Variants in GALNT2 observed in about 807,000 individuals in gnomAD.
GALNT2 encodes UDP-GalNAc:polypeptide N-acetylgalactosaminyltransferase 2.
GALNT2 carries 31 observed loss-of-function variants against 81.4 expected under a neutral mutation model. The ratio of observed to expected loss-of-function variants is 0.38; its 90% CI spans 0.29 to 0.51. GALNT2 has a LOEUF of 0.51. GALNT2 is among the 20% of genes least tolerant of loss of function. The pLI, the probability that GALNT2 is intolerant of heterozygous loss-of-function variation, is 0.87. For synonymous variants in GALNT2, 303 were observed against 287.4 expected (o/e 1.05, Z -0.55); for missense variants, 629 against 765.7 (o/e 0.82, Z 2.11).
chr1:230,134,902 C>T (rs1269470598), intron 1 of GALNT2, among the ~76,000 whole-genome samples: 1 of 152,214 alleles, frequency 6.6e-6, no homozygotes, highest in Non-Finnish European at 1.5e-5. Context: ...ACTGAGTTGT[C>T]TGTGTCAGCC....
chr1:230,268,669 A>G (rs1666096266), intron 14 of GALNT2, among the ~76,000 whole-genome samples: 2 of 152,140 alleles, frequency 1.3e-5, no homozygotes, highest in South Asian at 4.2e-4. Context: ...ACAGCTAGTA[A>G]CACGAGACAG....
chr1:230,206,208 T>C (rs996194555), intron 3 of GALNT2, among the ~76,000 whole-genome samples: 5 of 152,172 alleles, frequency 3.3e-5, no homozygotes, highest in African/African-American at 1.2e-4. Flanking sequence ...CTCATCAGCA[T>C]GTGGGCTGGC....
chr1:230,269,279 A>G (rs972135844), intron 14 of GALNT2, among the ~76,000 whole-genome samples: 2 of 141,492 alleles, frequency 1.4e-5, no homozygotes, highest in Non-Finnish European at 3.0e-5. Context: ...TCCGCCTCCC[A>G]GGTTCAAGCC....
chr1:230,176,252 A>G (rs1662975392), intron 1 of GALNT2, among the ~76,000 whole-genome samples: 1 of 152,196 alleles, frequency 6.6e-6, no homozygotes, highest in Non-Finnish European at 1.5e-5. Flanking sequence ...ACCTGTGGGC[A>G]AATCAATCTT....
At chr1:230,112,221 G>C (rs1660724207) in intron 1 of GALNT2, among the ~76,000 whole-genome samples, 1 of 152,174 alleles carries the variant, frequency 6.6e-6, no homozygotes, top group Non-Finnish European at 1.5e-5. Flanking sequence ...GTCTACCTGT[G>C]GGTCTAATCT....
At chr1:230,130,154 T>A (rs536251801) in intron 1 of GALNT2, among the ~76,000 whole-genome samples, 118 of 152,290 alleles carry the variant, frequency 7.7e-4, no homozygotes, top group Middle Eastern at 3.4e-3. Context: ...CACATGAAAA[T>A]CTCTCTGCTA....
intron 1 of GALNT2, among the ~76,000 whole-genome samples, chr1:230,102,043 G>A (rs532814902): frequency 8.5e-5 from 13 of 152,172 alleles, no homozygotes; most frequent in Non-Finnish European, 1.9e-4. Flanking sequence ...CCCTTCTTGG[G>A]GAGCCTTCTG....
intron 1 of GALNT2, among the ~76,000 whole-genome samples, chr1:230,155,094 C>T (rs890157549): frequency 2.2e-4 from 34 of 152,268 alleles, no homozygotes; most frequent in South Asian, 1.7e-3. Context: ...GGCTGCCCCG[C>T]GCCGCATGCA....
chr1:230,173,639 C>T (rs1027173779), intron 1 of GALNT2, among the ~76,000 whole-genome samples: 2 of 152,204 alleles, frequency 1.3e-5, no homozygotes, highest in Middle Eastern at 3.2e-3. Flanking sequence ...AAAAGAGGAC[C>T]TGTCTGTCAC....
At chr1:230,135,770 C>T (rs549991311) in intron 1 of GALNT2, among the ~76,000 whole-genome samples, 1 of 152,184 alleles carries the variant, frequency 6.6e-6, no homozygotes, top group African/African-American at 2.4e-5. Context: ...GTGGCAGCCT[C>T]GACCTCCTGG....
At chr1:230,155,983 G>C (rs1364772398) in intron 1 of GALNT2, among the ~76,000 whole-genome samples, 2 of 152,166 alleles carry the variant, frequency 1.3e-5, no homozygotes, top group Non-Finnish European at 2.9e-5. Context: ...GGCCTGTGTG[G>C]TGGGCTCTGT....
intron 1 of GALNT2, among the ~76,000 whole-genome samples, chr1:230,125,437 T>C (rs1446723574): frequency 6.6e-6 from 1 of 152,226 alleles, no homozygotes; most frequent in Non-Finnish European, 1.5e-5. Context: ...GCGTCACATA[T>C]TTTAAATTAA....
intron 3 of GALNT2, among the ~76,000 whole-genome samples, chr1:230,213,487 C>A (rs1228354675): frequency 2.0e-5 from 3 of 152,202 alleles, no homozygotes; most frequent in African/African-American, 7.2e-5. Context: ...TACATTTTCC[C>A]ATGCTTTCAC....
intron 10 of GALNT2, among the ~76,000 whole-genome samples, chr1:230,254,277 G>A (rs1054178748): frequency 6.6e-6 from 1 of 152,148 alleles, no homozygotes; most frequent in African/African-American, 2.4e-5. Context: ...TCTAAGCTTC[G>A]ACTGAGTTCC....
intron 1 of GALNT2, among the ~76,000 whole-genome samples, chr1:230,177,336 G>C (rs543365692): frequency 6.6e-6 from 1 of 152,240 alleles, no homozygotes; most frequent in Admixed American, 6.5e-5. Flanking sequence ...TTACTGTTGC[G>C]TATCCGCCTA....
chr1:230,165,998 G>A (rs886358293), intron 1 of GALNT2, among the ~76,000 whole-genome samples: 2 of 152,198 alleles, frequency 1.3e-5, no homozygotes, highest in African/African-American at 2.4e-5. Flanking sequence ...AGGTTGACAT[G>A]GAGTCTGGGC....
At position 230,067,391 on chromosome 1, in the gene GALNT2, C is replaced by T; in HGVS notation, c.111C>T (p.Gly37=). Reference sequence around the variant, plus strand: ...CTGCGCTGGCCGGGGGCGCGGGCGGCGGCGCCGGCAGGAAGGTGAGTGGAG... The same window carrying T: ...CTGCGCTGGCCGGGGGCGCGGGCGGTGGCGCCGGCAGGAAGGTGAGTGGAG... ...GGSALAGGAG[G]GAGRKEDWNE... Residue 37 remains glycine (G), a synonymous_variant, in exon 1 of 16, where the codon GGC becomes GGT. Coordinates refer to ENST00000366672, the MANE Select transcript of GALNT2 (RefSeq NM_004481.5). 6 of 1,261,644 alleles carry T rather than the reference C, an allele frequency of 4.8e-6. No homozygotes were observed. The highest frequency in any genetic ancestry group is 3.0e-6 in the Non-Finnish European group (3 of 997,082). The allele number at this position is 1,261,644 out of a possible 1,614,324, so 78.2% of individuals were successfully genotyped here. A position where few individuals can be genotyped will look rare whatever the true frequency, so the allele number is the denominator to read the frequency against.
At chr1:230,099,545 C>G (rs191576778) in intron 1 of GALNT2, among the ~76,000 whole-genome samples, 1 of 152,178 alleles carries the variant, frequency 6.6e-6, no homozygotes, top group African/African-American at 2.4e-5. Flanking sequence ...CTGTGATTCC[C>G]AAGAAATGCC....
intron 1 of GALNT2, among the ~76,000 whole-genome samples, chr1:230,061,324 T>C (rs1048894545): frequency 1.3e-5 from 2 of 152,070 alleles, no homozygotes; most frequent in African/African-American, 4.8e-5. Flanking sequence ...ATCTCCCTTC[T>C]TCCATAGTGA....
Sources: allele counts gnomAD v4.1 joint callset (sites outside exome capture counted in the v4.1 genomes callset), GRCh38; gene constraint gnomAD v4.1.1; transcripts MANE v1.5; gene names NCBI Gene and HGNC (gene_info 2026-07-23, HGNC 2026-07-21).